Variants in ITFG1 observed in about 807,000 individuals in gnomAD.
The protein encoded by ITFG1 is T-cell immunomodulatory protein.
A neutral mutation model predicts 81.8 loss-of-function variants in ITFG1; 34 were observed. That is an observed-to-expected ratio of 0.42 (90% CI 0.32 to 0.55). ITFG1 has a LOEUF of 0.55. Ranked by LOEUF, ITFG1 falls within the 20% of genes least tolerant of loss-of-function variation. The pLI is 0.17. For synonymous variants in ITFG1, 285 were observed against 270.6 expected (o/e 1.05, Z -0.52); for missense variants, 672 against 755.4 (o/e 0.89, Z 1.29).
intron 14 of ITFG1, among the ~76,000 whole-genome samples, chr16:47,190,553 A>G (rs1422001415): frequency 6.6e-6 from 1 of 152,122 alleles, no homozygotes; most frequent in African/African-American, 2.4e-5. Flanking sequence ...GTCAGTATGC[A>G]TATTCTTTTA....
rs559205474 is a variant in ITFG1 at position 47,159,144 on chromosome 16, A to T, written c.1662-154T>A. On this transcript the variant is annotated intron_variant, in intron 16 of 17. Transcript: ENST00000320640. ...CAGTCCATTCATTATAAATAAAACA[A>T]AAACAATTAAAAATCAGATAGTGCT... 2.6e-5 allele frequency among the ~76,000 whole-genome samples: 4 copies of T among 152,302 alleles called. No homozygotes were observed. In the East Asian group the frequency reaches 7.7e-4, roughly 29 times the overall value.
chr16:47,442,938 A>G (rs1342444200), intron 5 of ITFG1, among the ~76,000 whole-genome samples: 1 of 152,252 alleles, frequency 6.6e-6, no homozygotes, highest in East Asian at 1.9e-4. Context: ...GCACAGCAAA[A>G]GAAACCACCA....
intron 14 of ITFG1, chr16:47,218,102 C>T (rs1965647504): frequency 1.3e-5 from 2 of 152,092 alleles, no homozygotes; most frequent in African/African-American, 4.8e-5. Context: ...TTAGTAAGGC[C>T]ATTACATAAC....
chr16:47,260,520 A>T (rs1216963217), intron 11 of ITFG1, 25 bp downstream of exon 11: 1 of 1,609,180 alleles, frequency 6.2e-7, no homozygotes, highest in Non-Finnish European at 8.5e-7. Context: ...TAAACTTCAA[A>T]CACACAGCCC....
At chr16:47,287,379 G>A (rs912064951) in intron 10 of ITFG1, among the ~76,000 whole-genome samples, 8 of 152,048 alleles carry the variant, frequency 5.3e-5, no homozygotes, top group Admixed American at 1.3e-4. Context: ...AAGCCCAGCT[G>A]CTGCAAGACC....
intron 8 of ITFG1, among the ~76,000 whole-genome samples, chr16:47,350,426 C>G (rs1348278876): frequency 1.3e-5 from 2 of 152,180 alleles, no homozygotes; most frequent in Non-Finnish European, 2.9e-5. Flanking sequence ...TCAGAGAATA[C>G]TATAAACACC....
chr16:47,162,716 C>A, intron 14 of ITFG1, 52 bp from the exon 15 acceptor site: 1 of 1,459,752 alleles, frequency 6.9e-7, no homozygotes, highest in South Asian at 1.4e-5. Context: ...AAACATTGCT[C>A]CCATCAAATA....
In ITFG1 at chr16:47,158,955, A is replaced by G; in HGVS notation, c.1697T>C (p.Ile566Thr). ...GAGAGCTATAGCAGTAAGCAGAACA[A>G]TATTACTTGGTGTAAGATACAGTTT... ...SAKLYLTPSN[I>T]VLLTAIALIG... Residue 566 changes from isoleucine (I) to threonine (T), a missense_variant, in exon 17 of 18, where the codon ATT (isoleucine) becomes ACT (threonine). Ile to Thr is a moderately conservative substitution (Grantham distance 89). This residue lies in a region of ITFG1 where 65 missense variants were observed against 103.3 expected (regional missense o/e 0.63). Transcript: ENST00000320640. 6.3e-7 allele frequency: 1 copy of G among 1,593,824 alleles called. No individual in the cohort carries two copies. Among genetic ancestry groups the G allele is most frequent in the Non-Finnish European group, 8.5e-7 (1 of 1,169,958 alleles).
chr16:47,376,525 T>C (rs1968326797), intron 6 of ITFG1, among the ~76,000 whole-genome samples: 1 of 152,160 alleles, frequency 6.6e-6, no homozygotes, highest in Non-Finnish European at 1.5e-5. Context: ...CACAGTCAAA[T>C]GAAACATCCT....
At chr16:47,440,335 C>T (rs1417244299) in intron 5 of ITFG1, among the ~76,000 whole-genome samples, 4 of 152,134 alleles carry the variant, frequency 2.6e-5, no homozygotes, top group Non-Finnish European at 5.9e-5. Context: ...ACCAAGCGGA[C>T]CTAATAGACA....
intron 13 of ITFG1, among the ~76,000 whole-genome samples, chr16:47,221,806 G>A (rs1296776789): frequency 5.9e-5 from 9 of 152,292 alleles, no homozygotes; most frequent in Non-Finnish European, 8.8e-5. Context: ...TCCTGGTTTA[G>A]TCTTGGGAGA....
At chr16:47,360,518 CATA>C (rs1474720984) in intron 8 of ITFG1, among the ~76,000 whole-genome samples, 2 of 152,228 alleles carry the variant, frequency 1.3e-5, no homozygotes, top group Admixed American at 6.5e-5. Context: ...AAATGATTTA[CATA>C]ATAAGACCAA....
rs1015543 is a variant in ITFG1, at chr16:47,397,162, G to A, written c.656-21222C>T. ...TGCTGATCTCTAAACACCAAAATATGAGGCATGTGGCATATTCCATTAGAG... is the reference window on the plus strand; with the variant it reads ...TGCTGATCTCTAAACACCAAAATATAAGGCATGTGGCATATTCCATTAGAG... On this transcript the variant is annotated intron_variant, in intron 6 of 17. Coordinates refer to ENST00000320640, the MANE Select transcript of ITFG1 (RefSeq NM_030790.5). 8.0e-4 allele frequency among the ~76,000 whole-genome samples: 122 copies of A among 152,318 alleles called. No individual in the cohort carries two copies. The East Asian group carries it at 0.023, about 28-fold the overall frequency.
chr16:47,350,885 C>CCA (rs1967942802), intron 8 of ITFG1, among the ~76,000 whole-genome samples: 2 of 152,160 alleles, frequency 1.3e-5, no homozygotes, highest in African/African-American at 2.4e-5. Context: ...TGGGCTTCAT[C>CCA]CCTGGGATGG....
intron 7 of ITFG1, among the ~76,000 whole-genome samples, chr16:47,375,246 A>G (rs1315724411): frequency 2.0e-5 from 3 of 152,178 alleles, no homozygotes; most frequent in African/African-American, 7.2e-5. Flanking sequence ...TGTGATGGCC[A>G]GTTTGGTCTG....
intron 12 of ITFG1, among the ~76,000 whole-genome samples, chr16:47,254,072 A>C (rs551751068): frequency 6.6e-6 from 1 of 152,166 alleles, no homozygotes; most frequent in South Asian, 2.1e-4. Flanking sequence ...CTAACAACTA[A>C]ACTGATCATA....
chr16:47,357,011 G>A (rs1968048170), intron 8 of ITFG1, among the ~76,000 whole-genome samples: 1 of 151,262 alleles, frequency 6.6e-6, no homozygotes, highest in Non-Finnish European at 1.5e-5. Flanking sequence ...CAAGTTATCT[G>A]CAATAATCAC....
intron 8 of ITFG1, among the ~76,000 whole-genome samples, chr16:47,354,928 CAT>C (rs1366136812): frequency 6.6e-6 from 1 of 151,974 alleles, no homozygotes; most frequent in African/African-American, 2.4e-5. Context: ...GGAACCCTGA[CAT>C]ATTGTTGGTG....
intron 6 of ITFG1, among the ~76,000 whole-genome samples, chr16:47,392,838 A>G (rs1438836442): frequency 6.6e-6 from 1 of 152,210 alleles, no homozygotes; most frequent in East Asian, 1.9e-4. Context: ...CACAAAATTT[A>G]CAGAGCCCTC....
Sources: allele counts gnomAD v4.1 joint callset (sites outside exome capture counted in the v4.1 genomes callset), GRCh38; gene constraint gnomAD v4.1.1; regional missense constraint gnomAD v4.1.1; transcripts MANE v1.5; gene names NCBI Gene and HGNC (gene_info 2026-07-23, HGNC 2026-07-21).